Variants in ZNG1A observed in about 807,000 individuals in gnomAD.
The protein encoded by ZNG1A is zinc-regulated GTPase metalloprotein activator 1A.
At chr9:160,631 T>G in the ZNG1A span, among the ~76,000 whole-genome samples, 1,285 of 151,724 alleles carry the variant, frequency 8.5e-3, 16 homozygotes, top group African/African-American at 0.03. Flanking sequence ...TGATAATAGA[T>G]TCTATTTAAC....
At chr9:160,344 G>A in the ZNG1A span, among the ~76,000 whole-genome samples, 560 of 151,820 alleles carry the variant, frequency 3.7e-3, 1 homozygote, top group African/African-American at 0.013. Context: ...TACTTGTACT[G>A]CCTCAGAATT....
At chr9:141,088 G>C in the ZNG1A span, among the ~76,000 whole-genome samples, 1 of 138,844 alleles carries the variant, frequency 7.2e-6, no homozygotes, top group Non-Finnish European at 1.5e-5. Context: ...AAGTGACAGG[G>C]AGAATGGAAC....
the ZNG1A span, chr9:146,241 A>C: frequency 6.4e-7 from 1 of 1,553,390 alleles, no homozygotes; most frequent in Non-Finnish European, 8.7e-7. Flanking sequence ...TCTGACTTAA[A>C]AAATTTTATA....
the ZNG1A span, chr9:161,426 C>T: frequency 2.4e-6 from 1 of 411,768 alleles, no homozygotes; most frequent in East Asian, 7.2e-5. Flanking sequence ...CAAGATGGTG[C>T]CACTGCACTC....
At chr9:141,878 C>T in the ZNG1A span, among the ~76,000 whole-genome samples, 1 of 152,112 alleles carries the variant, frequency 6.6e-6, no homozygotes, top group Non-Finnish European at 1.5e-5. Flanking sequence ...CAAAACAAGG[C>T]AGGGGTTGCA....
chr9:122,417 A>G, the ZNG1A span: 1 of 1,146,068 alleles, frequency 8.7e-7, no homozygotes, highest in Admixed American at 4.3e-5. Flanking sequence ...TATGTATCAT[A>G]TCCTATTGAT....
the ZNG1A span, among the ~76,000 whole-genome samples, chr9:145,122 T>C: frequency 6.7e-6 from 1 of 148,246 alleles, no homozygotes; most frequent in Non-Finnish European, 1.5e-5. Context: ...GTTCAACCAT[T>C]GTGGAAGTCA....
the ZNG1A span, chr9:150,329 T>C: frequency 0.61 from 296,994 of 489,832 alleles, 85,493 homozygotes; most frequent in African/African-American, 0.77. Context: ...GGTTTCACAG[T>C]GTTAGCCAGG....
the ZNG1A span, among the ~76,000 whole-genome samples, chr9:174,867 T>C: frequency 7.3e-5 from 11 of 150,794 alleles, no homozygotes; most frequent in African/African-American, 2.7e-4. Flanking sequence ...TACAGTTTAA[T>C]ATTTCAGTTG....
chr9:177,643 T>C, the ZNG1A span: 2 of 1,481,738 alleles, frequency 1.3e-6, no homozygotes, highest in Admixed American at 2.1e-5. Context: ...AAACTATCCC[T>C]AGATTCAGCA....
At chr9:139,324 T>C in the ZNG1A span, among the ~76,000 whole-genome samples, 2,284 of 143,840 alleles carry the variant, frequency 0.016, 32 homozygotes, top group Middle Eastern at 0.032. Context: ...GTCAACCCCA[T>C]AGAAAGAGTG....
the ZNG1A span, among the ~76,000 whole-genome samples, chr9:126,625 T>C: frequency 6.6e-6 from 1 of 152,164 alleles, no homozygotes; most frequent in African/African-American, 2.4e-5. Context: ...TAACGGTCTA[T>C]CAATTTTATT....
At chr9:172,355 G>T in the ZNG1A span, 1 of 634,144 alleles carries the variant, frequency 1.6e-6, no homozygotes, top group Non-Finnish European at 2.7e-6. Flanking sequence ...GAAAACAATA[G>T]ATGCATATAT....
the ZNG1A span, among the ~76,000 whole-genome samples, chr9:129,419 T>A: frequency 6.6e-6 from 1 of 150,738 alleles, no homozygotes; most frequent in South Asian, 2.1e-4. Context: ...AACAACCACC[T>A]AAATGTCCAG....
the ZNG1A span, chr9:154,234 G>C: frequency 1.8e-5 from 3 of 167,800 alleles, no homozygotes; most frequent in Non-Finnish European, 2.5e-5. Flanking sequence ...TTGAGTCAGG[G>C]AAGACTTCAC....
the ZNG1A span, among the ~76,000 whole-genome samples, chr9:178,654 T>C: frequency 9.2e-6 from 1 of 108,556 alleles, no homozygotes; most frequent in East Asian, 2.3e-4. Flanking sequence ...ACTCCCAAGA[T>C]GAGAGGCAAC....
the ZNG1A span, among the ~76,000 whole-genome samples, chr9:157,289 T>G: frequency 0.053 from 7,908 of 149,678 alleles, 300 homozygotes; most frequent in South Asian, 0.095. Flanking sequence ...GTTGTCTGTT[T>G]TTTTTTTTTT....
At chr9:154,795 T>C in the ZNG1A span, 1,155,897 of 1,529,024 alleles carry the variant, frequency 0.76, 438,640 homozygotes, top group African/African-American at 0.81. Context: ...AAGCAACTTG[T>C]CTAAAATAGC....
the ZNG1A span, chr9:162,614 T>G: frequency 1.7e-6 from 1 of 581,838 alleles, no homozygotes; most frequent in East Asian, 3.0e-5. Context: ...TTTTTTCTCT[T>G]GCCAGTGCTG....
Sources: allele counts gnomAD v4.1 joint callset (sites outside exome capture counted in the v4.1 genomes callset), GRCh38; gene constraint gnomAD v4.1.1; transcripts MANE v1.5; gene names NCBI Gene and HGNC (gene_info 2026-07-23, HGNC 2026-07-21).